Variants in FIBCD1 observed in about 807,000 individuals in gnomAD.
The protein encoded by FIBCD1 is fibrinogen C domain-containing protein 1.
In FIBCD1, 47 loss-of-function variants were observed where a neutral mutation model predicts 45.1. That is an observed-to-expected ratio of 1.04 (90% confidence interval 0.82 to 1.33). The LOEUF is 1.33. FIBCD1 is among the 40% of genes most tolerant of loss of function. The probability of loss-of-function intolerance (pLI) is 0.00; values close to 1 mark genes in which losing one functional copy is unlikely to be tolerated. For synonymous variants in FIBCD1, 313 were observed against 308.1 expected, an observed-to-expected ratio of 1.02 and a Z score of -0.17; for missense variants, 653 against 682.2, an observed-to-expected ratio of 0.96 and a Z score of 0.48.
chr9:130,916,632 C>T lies in FIBCD1; in HGVS notation c.850-4744G>A, dbSNP rs1389667721. On this transcript the variant is annotated intron_variant, in intron 4 of 6. Coordinates refer to ENST00000372338, the MANE Select transcript of FIBCD1 (RefSeq NM_032843.5). ...TTTCTGGCAAACAGCTTCAGCGACA[C>T]TGGACCTTGGTGACGCCAGATGCCT... 2.6e-5 allele frequency among the ~76,000 whole-genome samples: 4 copies of T among 152,372 alleles called. No individual in the cohort carries two copies. The South Asian group carries it at 6.2e-4, about 24-fold the overall frequency.
chr9:130,938,654 G>A lies in FIBCD1; in HGVS notation c.-47C>T. On this transcript the variant is annotated 5_prime_UTR_variant, in exon 1 of 7. Transcript: ENST00000372338. ...GCGCCGGGCGAGGCGCGCCGCTGCG[G>A]AGCGCAAAGGAGACGGGGTGGGCGC... is the stretch of plus-strand genomic sequence containing the variant. 2 of 1,300,426 alleles carry A rather than the reference G, an allele frequency of 1.5e-6. No homozygotes were observed. The highest frequency in any genetic ancestry group is 2.0e-6 in the Non-Finnish European group (2 of 1,012,110). The allele number at this position is 1,300,426 out of a possible 1,614,324, so 80.6% of individuals were successfully genotyped here.
intron 1 of FIBCD1, among the ~76,000 whole-genome samples, chr9:130,932,698 G>A (rs994993379): frequency 5.3e-5 from 8 of 152,156 alleles, no homozygotes; most frequent in Non-Finnish European, 1.0e-4. Context: ...CCCCCGTTAG[G>A]GTGCTTACAA....
chr9:130,934,382 C>A (rs190297693), intron 1 of FIBCD1, among the ~76,000 whole-genome samples: 37 of 152,308 alleles, frequency 2.4e-4, no homozygotes, highest in South Asian at 4.1e-4. Flanking sequence ...GAGCGGGAAC[C>A]GCCATACCGC....
chr9:130,921,776 A>G (rs1832265971), intron 4 of FIBCD1, among the ~76,000 whole-genome samples: 1 of 152,198 alleles, frequency 6.6e-6, no homozygotes, highest in South Asian at 2.1e-4. Flanking sequence ...AGCAAATGCC[A>G]TAACTCAGAC....
At chr9:130,927,547 C>T (rs548598069) in intron 2 of FIBCD1, among the ~76,000 whole-genome samples, 1 of 152,334 alleles carries the variant, frequency 6.6e-6, no homozygotes, top group Admixed American at 6.5e-5. Flanking sequence ...CCCAGCTCTG[C>T]GGACTCACAC....
intron 4 of FIBCD1, among the ~76,000 whole-genome samples, chr9:130,914,250 C>G (rs1439867942): frequency 6.6e-6 from 1 of 152,210 alleles, no homozygotes; most frequent in Non-Finnish European, 1.5e-5. Flanking sequence ...TCTGTCCCAG[C>G]CTCTCATTCA....
rs759266363 is a variant in FIBCD1 at position 130,929,931 on chromosome 9, G to A, written c.188C>T (p.Ala63Val). The change falls in exon 2 of 7, where the codon GCG (alanine) becomes GTG (valine). Residue 63 changes from alanine (A) to valine (V), a missense_variant. Ala to Val is a moderately conservative substitution (Grantham distance 64, BLOSUM62 0). Transcript: ENST00000372338. ...FLNHAHAPGT[A>V]PPPVVSTGAA... ...CCCAGTGCTGACGACAGGTGGGGGC[G>A]CCGTGCCCGGCGCGTGGGCGTGGTT... 7.1e-5 allele frequency: 110 copies of A among 1,548,808 alleles called. No homozygotes were observed. Among genetic ancestry groups the A allele is most frequent in the East Asian group, 4.9e-5 (2 of 40,946 alleles).
chr9:130,930,831 T>C (rs1485771079), intron 1 of FIBCD1: 1 of 456,066 alleles, frequency 2.2e-6, no homozygotes, highest in East Asian at 7.0e-5. Context: ...CACCCACCTC[T>C]CTATACACTG....
chr9:130,917,676 G>A (rs11792392), intron 4 of FIBCD1, among the ~76,000 whole-genome samples: 21,391 of 152,252 alleles, frequency 0.14, 1,592 homozygotes, highest in Admixed American at 0.18. Context: ...TGCAGCTAGC[G>A]TCCTGAGCAC....
chr9:130,932,421 G>T (rs997885129), intron 1 of FIBCD1, among the ~76,000 whole-genome samples: 4 of 152,156 alleles, frequency 2.6e-5, no homozygotes, highest in African/African-American at 9.7e-5. Flanking sequence ...CGCCTGCCCA[G>T]TTCTCTTGGG....
At chr9:130,925,162 G>C (rs975445009) in intron 2 of FIBCD1, among the ~76,000 whole-genome samples, 5 of 152,092 alleles carry the variant, frequency 3.3e-5, no homozygotes, top group Non-Finnish European at 7.4e-5. Flanking sequence ...TGAGTTTCTG[G>C]GGCTCTCCGA....
Position 130,923,777 on chromosome 9 carries a change from G to A in FIBCD1, c.816C>T (p.Tyr272=). ...PTHYPAGFQV[Y]CDMRTDGGGW... is the part of the protein sequence containing the mutation. ...CGCCGCCGTCCGTGCGCATGTCACA[G>A]TACACCTGGAAGCCGGCCGGGTAGT... Residue 272 remains tyrosine, a synonymous_variant, in exon 4 of 7, where the codon TAC becomes TAT. Coordinates refer to ENST00000372338, the MANE Select transcript of FIBCD1 (RefSeq NM_032843.5). 1 of 1,612,856 alleles carries A rather than the reference G, an allele frequency of 6.2e-7. No homozygotes were observed. The highest frequency in any genetic ancestry group is 1.1e-5 in the South Asian group (1 of 91,082).
intron 6 of FIBCD1, 111 bp from the exon 7 acceptor site, chr9:130,904,434 T>C (rs1831890522): frequency 2.1e-6 from 3 of 1,443,210 alleles, no homozygotes; most frequent in South Asian, 2.6e-5. Flanking sequence ...CGTGAGTGCA[T>C]ACACGTACGC....
At chr9:130,905,533 G>A in intron 5 of FIBCD1, 120 bp from the exon 6 acceptor site, 1 of 1,056,064 alleles carries the variant, frequency 9.5e-7, no homozygotes, top group East Asian at 2.6e-5. Flanking sequence ...CAACCACCAA[G>A]TGCGTGCAAT....
chr9:130,928,081 G>A (rs189072200), intron 2 of FIBCD1, among the ~76,000 whole-genome samples: 45 of 152,360 alleles, frequency 3.0e-4, no homozygotes, highest in Non-Finnish European at 3.8e-4. Context: ...GAAGGGAGGA[G>A]TTAGGAGCAC....
chr9:130,911,725 A>C (rs545620826), intron 5 of FIBCD1, 67 bp downstream of exon 5: 1 of 1,429,336 alleles, frequency 7.0e-7, no homozygotes, highest in Non-Finnish European at 9.7e-7. Context: ...AGCAGCTGGG[A>C]CCCAACTGTG....
rs751651927 is a variant in FIBCD1, at chr9:130,904,317, G to A, written c.1133C>T (p.Ser378Phe). ...CCTCATGCCGCTGTGCTTCAGGAGGGAGTCGCCTGCGCAGGGGTGCACACA... is the reference window on the plus strand; with the variant it reads ...CCTCATGCCGCTGTGCTTCAGGAGGAAGTCGCCTGCGCAGGGGTGCACACA... ...VADYSGTAGD[S>F]LLKHSGMRFT... The change falls in exon 7 of 7, where the codon TCC becomes TTC. Residue 378 changes from serine (S) to phenylalanine (F), a missense_variant. Ser to Phe is a radical substitution (Grantham distance 155). Transcript: ENST00000372338. 1.7e-5 allele frequency: 27 copies of A among 1,606,818 alleles called. No homozygotes were observed. In the Admixed American group the frequency reaches 4.5e-4, roughly 27 times the overall value.
intron 2 of FIBCD1, 116 bp from the exon 3 acceptor site, chr9:130,924,512 G>C: frequency 3.9e-6 from 4 of 1,024,816 alleles, no homozygotes; most frequent in Non-Finnish European, 4.2e-6. Context: ...TGGGCTTCTG[G>C]CTCAAGGCCC....
At chr9:130,924,997 C>T (rs1027574915) in intron 2 of FIBCD1, among the ~76,000 whole-genome samples, 2 of 152,196 alleles carry the variant, frequency 1.3e-5, no homozygotes, top group Non-Finnish European at 2.9e-5. Context: ...CTTCCGATCC[C>T]GAGCAAGGCT....
Sources: allele counts gnomAD v4.1 joint callset (sites outside exome capture counted in the v4.1 genomes callset), GRCh38; gene constraint gnomAD v4.1.1; transcripts MANE v1.5; gene names NCBI Gene and HGNC (gene_info 2026-07-23, HGNC 2026-07-21).